Variants in RASAL2 observed in about 807,000 individuals in gnomAD.
RASAL2 encodes RAS protein activator like 2.
In RASAL2, 58 loss-of-function variants were observed where a neutral mutation model predicts 128.9. That is an observed-to-expected ratio of 0.45 (90% CI 0.36 to 0.56). The LOEUF is 0.56. RASAL2 is among the 20% of genes least tolerant of loss of function. The pLI, the probability that RASAL2 is intolerant of heterozygous loss-of-function variation, is 0.00. For synonymous variants in RASAL2, 561 were observed against 580.8 expected (o/e 0.97, Z 0.49); for missense variants, 1,360 against 1,601.6 (o/e 0.85, Z 2.57).
intron 4 of RASAL2, among the ~76,000 whole-genome samples, chr1:178,407,843 C>G (rs1294864630): frequency 6.6e-6 from 1 of 152,228 alleles, no homozygotes; most frequent in Non-Finnish European, 1.5e-5. Flanking sequence ...ATTACCCCCA[C>G]GGAGGCTTCT....
intron 3 of RASAL2, among the ~76,000 whole-genome samples, chr1:178,306,931 G>A (rs147436884): frequency 0.013 from 1,966 of 151,046 alleles, 30 homozygotes; most frequent in African/African-American, 0.046. Flanking sequence ...AAGTTAGTGG[G>A]TGCAGTGCAG....
At chr1:178,381,867 G>A (rs1222763020) in intron 3 of RASAL2, among the ~76,000 whole-genome samples, 2 of 152,084 alleles carry the variant, frequency 1.3e-5, no homozygotes, top group Non-Finnish European at 2.9e-5. Flanking sequence ...AAATAAAGGT[G>A]TTAGGCCCTA....
At chr1:178,296,105 ATATATG>A (rs1361284464) in intron 2 of RASAL2, among the ~76,000 whole-genome samples, 1 of 150,708 alleles carries the variant, frequency 6.6e-6, no homozygotes, top group Non-Finnish European at 1.5e-5. Flanking sequence ...ATATATGTGT[ATATATG>A]TGTGTATATA....
At chr1:178,291,391 ACT>A (rs1229438680) in intron 2 of RASAL2, among the ~76,000 whole-genome samples, 2 of 152,134 alleles carry the variant, frequency 1.3e-5, no homozygotes, top group South Asian at 4.1e-4. Context: ...TAGAGAAGTA[ACT>A]CTGTGGATTA....
At chr1:178,256,743 G>A (rs921187317) in intron 1 of RASAL2, among the ~76,000 whole-genome samples, 4 of 152,026 alleles carry the variant, frequency 2.6e-5, no homozygotes, top group Non-Finnish European at 5.9e-5. Context: ...GCATGATCTC[G>A]GCTCATTGCA....
intron 1 of RASAL2, among the ~76,000 whole-genome samples, chr1:178,268,573 A>G (rs1270533224): frequency 1.3e-5 from 2 of 152,074 alleles, no homozygotes; most frequent in Non-Finnish European, 2.9e-5. Flanking sequence ...ATGAGCTATG[A>G]TCACACCACT....
intron 1 of RASAL2, among the ~76,000 whole-genome samples, chr1:178,193,734 C>G (rs1436480869): frequency 6.6e-6 from 1 of 151,868 alleles, no homozygotes; most frequent in African/African-American, 2.4e-5. Context: ...CCTCATAATA[C>G]ATGAAACTTA....
intron 3 of RASAL2, among the ~76,000 whole-genome samples, chr1:178,301,690 C>T (rs1463539124): frequency 6.6e-5 from 10 of 152,134 alleles, no homozygotes; most frequent in Admixed American, 6.5e-4. Flanking sequence ...TCCTCAGCCT[C>T]CCAAAGTGCT....
chr1:178,446,904 G>A (rs1055143370), intron 9 of RASAL2, among the ~76,000 whole-genome samples: 13 of 152,194 alleles, frequency 8.5e-5, no homozygotes, highest in African/African-American at 3.1e-4. Context: ...ATAAGAAGTA[G>A]CATGGGGGAA....
intron 1 of RASAL2, among the ~76,000 whole-genome samples, chr1:178,116,598 A>T (rs1659526348): frequency 6.6e-6 from 1 of 151,472 alleles, no homozygotes; most frequent in Non-Finnish European, 1.5e-5. Flanking sequence ...TTCTTAATAG[A>T]TTGTTATTTT....
intron 1 of RASAL2, among the ~76,000 whole-genome samples, chr1:178,237,363 T>G (rs1664298540): frequency 6.6e-6 from 1 of 152,018 alleles, no homozygotes; most frequent in Non-Finnish European, 1.5e-5. Context: ...AGTTCCCATA[T>G]GAGGATATAC....
intron 4 of RASAL2, among the ~76,000 whole-genome samples, chr1:178,415,200 A>G (rs1175281196): frequency 1.3e-5 from 2 of 152,090 alleles, no homozygotes; most frequent in African/African-American, 4.8e-5. Flanking sequence ...TATGCATTCA[A>G]TGCTATAAAT....
chr1:178,273,056 G>A (rs1398193252), intron 1 of RASAL2, among the ~76,000 whole-genome samples: 2 of 152,136 alleles, frequency 1.3e-5, no homozygotes, highest in Middle Eastern at 3.2e-3. Context: ...AAACATAAGT[G>A]CCACACAAAT....
intron 1 of RASAL2, among the ~76,000 whole-genome samples, chr1:178,121,494 C>CT (rs1439464541): frequency 0.03 from 4,338 of 145,326 alleles, 194 homozygotes; most frequent in African/African-American, 0.099. Context: ...TGGTTGTTTT[C>CT]TTTTTTTTTT....
At chr1:178,389,326 TATC>T (rs1447178269) in intron 3 of RASAL2, 121 of 930,748 alleles carry the variant, frequency 1.3e-4, no homozygotes, top group Non-Finnish European at 1.6e-4. Context: ...CGTATATATC[TATC>T]ATCTGTGTGT....
intron 3 of RASAL2, among the ~76,000 whole-genome samples, chr1:178,314,145 A>G (rs1208726972): frequency 6.6e-6 from 1 of 152,228 alleles, no homozygotes; most frequent in African/African-American, 2.4e-5. Flanking sequence ...AGTAAAATAC[A>G]TAAGAATTAA....
chr1:178,475,776 C>G lies in RASAL2; in HGVS notation c.*2537C>G, dbSNP rs1215510784. 1 of 152,140 alleles carries G rather than the reference C, an allele frequency of 6.6e-6. No homozygotes were observed. Among genetic ancestry groups the G allele is most frequent in the Non-Finnish European group, 1.5e-5 (1 of 68,022 alleles). 9.4% of individuals were successfully genotyped at this position (152,140 alleles called of 1,614,324 possible). On this transcript the variant is annotated 3_prime_UTR_variant, in exon 18 of 18. Transcript: ENST00000367649. ...CAAAACATTTGGACAGATTATGCAG[C>G]CTTCTACTACCAGGTTATCTTGAAT...
chr1:178,239,819 A>G (rs142988886), intron 1 of RASAL2, among the ~76,000 whole-genome samples: 29 of 152,114 alleles, frequency 1.9e-4, no homozygotes, highest in South Asian at 8.3e-4. Flanking sequence ...ATTTACCTCT[A>G]TCCTCTTGAT....
At chr1:178,369,989 G>T (rs1267216386) in intron 3 of RASAL2, among the ~76,000 whole-genome samples, 1 of 152,156 alleles carries the variant, frequency 6.6e-6, no homozygotes, top group Non-Finnish European at 1.5e-5. Context: ...GGTGACATTT[G>T]AGCTGAGTCT....
Sources: gnomAD v4.1 joint callset for allele counts (sites outside exome capture counted in the v4.1 genomes callset) on GRCh38, gnomAD v4.1.1 for gene constraint, MANE v1.5 for transcripts, NCBI Gene and HGNC (gene_info 2026-07-23, HGNC 2026-07-21) for gene names.